The following KL variants were observed in gnomAD, a reference collection of about 807,000 sequenced individuals.
KL encodes alpha-klotho.
Under a neutral mutation model 84.2 loss-of-function variants are expected in KL, and 62 were observed. The ratio of observed to expected loss-of-function variants is 0.74; its 90% CI spans 0.60 to 0.91. The LOEUF (loss-of-function observed/expected upper bound fraction) is 0.91, where lower values mean the gene tolerates loss of function less well. KL is among the 40% of genes least tolerant of loss of function. The probability of loss-of-function intolerance (pLI) is 0.00; values close to 1 mark genes in which losing one functional copy is unlikely to be tolerated. For missense variants in KL, 1,261 were observed against 1,305.7 expected (o/e 0.97, Z 0.53); for synonymous variants, 528 against 528.0 (o/e 1.00, Z 0.00).
intron 1 of KL, among the ~76,000 whole-genome samples, chr13:33,033,011 C>T (rs1871028387): frequency 6.6e-6 from 1 of 152,012 alleles, no homozygotes; most frequent in African/African-American, 2.4e-5. Flanking sequence ...ATTCTATGTA[C>T]CTATGTTTGA....
chr13:33,058,412 C>G (rs538133406), intron 3 of KL, among the ~76,000 whole-genome samples: 1 of 150,926 alleles, frequency 6.6e-6, no homozygotes, highest in Admixed American at 6.6e-5. Context: ...GTGATCTCGG[C>G]TCACTGCAAG....
In KL at chr13:33,060,850, A is replaced by G. The variant is rs1388762725; in HGVS notation, c.1771A>G (p.Thr591Ala). ...QIALLQEMHV[T>A]HFRFSLDWAL... ...CGCTTTACTCCAGGAAATGCACGTT[A>G]CACATTTTCGCTTCTCCCTGGACTG... The change falls in exon 4 of 5, where the codon ACA becomes GCA. Residue 591 changes from threonine to alanine, a missense_variant. Transcript: ENST00000380099. 1 of 1,614,094 alleles carries G rather than the reference A, an allele frequency of 6.2e-7. No individual in the cohort carries two copies. Among genetic ancestry groups the G allele is most frequent in the Non-Finnish European group, 8.5e-7 (1 of 1,180,042 alleles).
chr13:33,056,611 C>G (rs1871966081), intron 3 of KL, among the ~76,000 whole-genome samples: 1 of 146,748 alleles, frequency 6.8e-6, no homozygotes, highest in Middle Eastern at 3.5e-3. Context: ...CTGAATAACA[C>G]GGTGAAACCC....
In KL at chr13:33,055,008, G is replaced by A. The variant is rs199758453; in HGVS notation, c.1331-39G>A. The A allele has an allele frequency of 5.6e-3, 9,109 of 1,613,874 alleles. 171 individuals are homozygous for A. The highest frequency in any genetic ancestry group is 0.052 in the South Asian group (4,719 of 91,058). The stretch of plus-strand genomic sequence containing the variant: ...TTGAACCATGATGCAAGTGCCCAGC[G>A]AAGGGTCATGTTGCTCTTGTCCCCT... On this transcript the variant is annotated intron_variant, in intron 2 of 4. Coordinates refer to ENST00000380099, the MANE Select transcript of KL (RefSeq NM_004795.4).
At position 33,063,919 on chromosome 13, in the gene KL, GT is replaced by G. The variant is rs1566510860; in HGVS notation, c.2775del (p.Phe925LeufsTer17). 6.2e-7 allele frequency: 1 copy of G among 1,614,172 alleles called. No individual in the cohort carries two copies. The highest frequency in any genetic ancestry group is 1.1e-5 in the South Asian group (1 of 91,082). ...YSFNDRTAPR[F>X]GLYRYAADQF... is the part of the protein sequence containing the mutation. ...CGTTTAACGACCGCACAGCTCCGAG[GT>G]TTGGCCTCTATCGTTATGCTGCAGA... On this transcript the variant is annotated frameshift_variant, in exon 5 of 5. Coordinates refer to ENST00000380099, the MANE Select transcript of KL (RefSeq NM_004795.4). LOFTEE classifies it high-confidence loss of function.
chr13:33,024,609 G>T (rs554296073), intron 1 of KL, among the ~76,000 whole-genome samples: 1 of 152,318 alleles, frequency 6.6e-6, no homozygotes, highest in Non-Finnish European at 1.5e-5. Context: ...AAGCTGCAGG[G>T]GAGGATGGGG....
chr13:33,061,368 C>T lies in KL; in HGVS notation c.2289C>T (p.Pro763=), dbSNP rs776091861. Residue 763 remains proline, a synonymous_variant, in exon 4 of 5, where the codon CCC becomes CCT. Coordinates refer to ENST00000380099, the MANE Select transcript of KL (RefSeq NM_004795.4). ...TTGACATTGGCTGGCTGGCTGAGCCCATTTTCGGCTCTGGAGATTATCCAT... is the reference window on the plus strand; with the variant it reads ...TTGACATTGGCTGGCTGGCTGAGCCTATTTTCGGCTCTGGAGATTATCCAT... ...LEFDIGWLAE[P]IFGSGDYPWV... The T allele has an allele frequency of 4.3e-6, 7 of 1,614,064 alleles. No individual in the cohort carries two copies.
At chr13:33,062,393 C>A (rs1428174778) in intron 4 of KL, among the ~76,000 whole-genome samples, 11 of 139,780 alleles carry the variant, frequency 7.9e-5, no homozygotes, top group Non-Finnish European at 1.3e-4. Context: ...AAAAAAAAGA[C>A]CAAGCATGGT....
At chr13:33,039,197 TAATA>T (rs921279676) in intron 1 of KL, among the ~76,000 whole-genome samples, 1 of 152,230 alleles carries the variant, frequency 6.6e-6, no homozygotes, top group Non-Finnish European at 1.5e-5. Flanking sequence ...CTCATAAAAT[TAATA>T]AATTATAATT....
At position 33,036,170 on chromosome 13, in the gene KL, T is replaced by C. The variant is rs985120070; in HGVS notation, c.820-17597T>C. ...ATATTTGTATTAAGGAACTCTATATTTGCATTTGACCAGCCCTAACTAAAA... is the reference window on the plus strand; with the variant it reads ...ATATTTGTATTAAGGAACTCTATATCTGCATTTGACCAGCCCTAACTAAAA... On this transcript the variant is annotated intron_variant, in intron 1 of 4. Transcript: ENST00000380099. Among the ~76,000 whole-genome samples, 3 of 152,304 alleles carry C rather than the reference T, an allele frequency of 2.0e-5. No homozygotes were observed. The East Asian group carries it at 5.8e-4, about 29-fold the overall frequency.
At chr13:33,017,869 A>G (rs1047148540) in intron 1 of KL, among the ~76,000 whole-genome samples, 2 of 152,238 alleles carry the variant, frequency 1.3e-5, no homozygotes, top group Non-Finnish European at 2.9e-5. Flanking sequence ...ACAATCTCAA[A>G]CAAAGCTAGT....
Position 33,055,910 on chromosome 13 carries a change from C to T in KL, c.1599+595C>T, listed in dbSNP as rs1871939285. Among the ~76,000 whole-genome samples, 3 of 152,228 alleles carry T rather than the reference C, an allele frequency of 2.0e-5. No homozygotes were observed. The South Asian group carries it at 6.2e-4, about 32-fold the overall frequency. On this transcript the variant is annotated intron_variant, in intron 3 of 4. Coordinates refer to ENST00000380099, the MANE Select transcript of KL (RefSeq NM_004795.4). ...TTCTCAGTAGTAAGCCCTTAACATT[C>T]TTTCAGACTTCCTAAATTTTGAAGG...
intron 1 of KL, among the ~76,000 whole-genome samples, chr13:33,041,136 A>G (rs953193695): frequency 2.0e-5 from 3 of 152,142 alleles, no homozygotes; most frequent in African/African-American, 7.2e-5. Context: ...AGACACAATG[A>G]GTACATTTAC....
intron 1 of KL, among the ~76,000 whole-genome samples, chr13:33,018,769 T>C (rs1195889164): frequency 6.6e-6 from 1 of 152,192 alleles, no homozygotes; most frequent in Non-Finnish European, 1.5e-5. Context: ...GAGGATCTAA[T>C]AGATCATGCC....
At chr13:33,026,569 C>T (rs1870786959) in intron 1 of KL, among the ~76,000 whole-genome samples, 1 of 152,200 alleles carries the variant, frequency 6.6e-6, no homozygotes, top group African/African-American at 2.4e-5. Context: ...GGGGTCATCA[C>T]TTTTTATGTA....
At position 33,057,119 on chromosome 13, in the gene KL, G is replaced by A. The variant is rs796566234; in HGVS notation, c.1599+1804G>A. ...CTTTACTGGGGTTGGGGATAGATCG[G>A]ATGGTCCCTGGTCCTTGTTCTATCT... is the stretch of plus-strand genomic sequence containing the variant. On this transcript the variant is annotated intron_variant, in intron 3 of 4. Coordinates refer to ENST00000380099, the MANE Select transcript of KL (RefSeq NM_004795.4). 6.6e-5 allele frequency among the ~76,000 whole-genome samples: 10 copies of A among 152,122 alleles called. No individual in the cohort carries two copies. In the South Asian group the frequency reaches 8.3e-4, roughly 13 times the overall value.
intron 3 of KL, among the ~76,000 whole-genome samples, chr13:33,056,828 G>A (rs1028349000): frequency 6.6e-6 from 1 of 151,954 alleles, no homozygotes; most frequent in Admixed American, 6.6e-5. Flanking sequence ...ATGACTGGAT[G>A]TGTCATCTTT....
At position 33,054,025 on chromosome 13, in the gene KL, A is replaced by G. The variant is rs1401727187; in HGVS notation, c.1078A>G (p.Ile360Val). 2 of 1,612,942 alleles carry G rather than the reference A, an allele frequency of 1.2e-6. No individual in the cohort carries two copies. The highest frequency in any genetic ancestry group is 8.5e-7 in the Non-Finnish European group (1 of 1,179,184). ...TTTTACTGAATCTGAGAAAAAGTTC[A>G]TCAAAGGAACTGCTGACTTTTTTGC... ...PDFTESEKKFIKGTADFFALC... is the reference protein window; with the variant it reads ...PDFTESEKKFVKGTADFFALC... The change falls in exon 2 of 5, where the codon ATC becomes GTC. Residue 360 changes from isoleucine to valine, a missense_variant. Ile to Val is a conservative substitution (Grantham distance 29, BLOSUM62 3). Transcript: ENST00000380099.
At position 33,033,934 on chromosome 13, in the gene KL, A is replaced by AT. The variant is rs913347894; in HGVS notation, c.819+16684dup. Among the ~76,000 whole-genome samples, 417 of 151,490 alleles carry AT rather than the reference A, an allele frequency of 2.8e-3. 2 individuals carry two copies. The highest frequency in any genetic ancestry group is 6.8e-3 in the Middle Eastern group (2 of 294). On this transcript the variant is annotated intron_variant, in intron 1 of 4. Transcript: ENST00000380099. Reference sequence around the variant, plus strand: ...AACACAAACCCTCTAGTATAAAAGCATTTTTTTTTAAAAAAGATGAACACA... The same window carrying AT: ...AACACAAACCCTCTAGTATAAAAGCATTTTTTTTTTAAAAAAGATGAACACA...
Sources: allele counts gnomAD v4.1 joint callset (sites outside exome capture counted in the v4.1 genomes callset), GRCh38; gene constraint gnomAD v4.1.1; transcripts MANE v1.5; gene names NCBI Gene and HGNC (gene_info 2026-07-23, HGNC 2026-07-21).